The following SRCIN1 variants were observed in gnomAD, a reference collection of about 807,000 sequenced individuals.
SRCIN1 encodes the protein P130Cas-associated protein.
A neutral mutation model predicts 116.2 loss-of-function variants in SRCIN1; 50 were observed. That is an observed-to-expected ratio of 0.43 (90% CI 0.34 to 0.54). The LOEUF (loss-of-function observed/expected upper bound fraction) is 0.54, where lower values mean the gene tolerates loss of function less well. Ranked by LOEUF, SRCIN1 falls within the 20% of genes least tolerant of loss-of-function variation. The pLI is 0.02. For missense variants in SRCIN1, 1,446 were observed against 1,672.0 expected (o/e 0.86, Z 2.36); for synonymous variants, 736 against 750.0 (o/e 0.98, Z 0.30).
Position 38,585,440 on chromosome 17 carries a change from G to A in SRCIN1, c.23-6649C>T, listed in dbSNP as rs1022465681. ...TCGGGAAGCACACGGTGTGCTTGGA[G>A]GTTGGAGGCCAGAGGACAAAGGTCA... On this transcript the variant is annotated intron_variant, in intron 1 of 18. Coordinates refer to ENST00000617146, the MANE Select transcript of SRCIN1 (RefSeq NM_025248.3). The surrounding 1 kb of genome is among the most constrained non-coding windows in gnomAD (Gnocchi z 4.2). 6.6e-6 allele frequency among the ~76,000 whole-genome samples: 1 copy of A among 152,232 alleles called. No homozygotes were observed. The highest frequency in any genetic ancestry group is 2.4e-5 in the African/African-American group (1 of 41,460).
At chr17:38,588,378 C>T (rs545608521) in intron 1 of SRCIN1, among the ~76,000 whole-genome samples, 2 of 152,358 alleles carry the variant, frequency 1.3e-5, no homozygotes, top group African/African-American at 2.4e-5. Flanking sequence ...CATGTGCCCA[C>T]GCGGCACTAT....
At chr17:38,582,366 G>A (rs1401764701) in intron 1 of SRCIN1, among the ~76,000 whole-genome samples, 1 of 152,188 alleles carries the variant, frequency 6.6e-6, no homozygotes, top group Non-Finnish European at 1.5e-5. Flanking sequence ...GCAGATTATG[G>A]CAGGGAGAGG....
At chr17:38,605,662 G>A (rs1909317904) in intron 1 of SRCIN1, 22 bp downstream of exon 1, 4 of 1,382,148 alleles carry the variant, frequency 2.9e-6, no homozygotes, top group Non-Finnish European at 3.8e-6. Context: ...GCACATTAGG[G>A]AGGAGAGAGA....
At chr17:38,539,935 C>T (rs553694230) in intron 18 of SRCIN1, among the ~76,000 whole-genome samples, 197 of 148,886 alleles carry the variant, frequency 1.3e-3, no homozygotes, top group African/African-American at 4.7e-3. Flanking sequence ...GCAGGAGAAT[C>T]GCTTGAACCC....
At chr17:38,560,800 C>G (rs1018197088) in intron 7 of SRCIN1, among the ~76,000 whole-genome samples, 10 of 152,220 alleles carry the variant, frequency 6.6e-5, no homozygotes, top group Non-Finnish European at 1.2e-4. Flanking sequence ...AGGACAGGAA[C>G]TGGGTTTGCT....
chr17:38,565,376 T>C (rs1193208043), intron 3 of SRCIN1, among the ~76,000 whole-genome samples: 1 of 152,236 alleles, frequency 6.6e-6, no homozygotes, highest in African/African-American at 2.4e-5. Context: ...CATATACATA[T>C]ACTGTCAAGA....
Position 38,536,509 on chromosome 17 carries a change from G to C in SRCIN1, c.3418-3078C>G, listed in dbSNP as rs377649512. Among the ~76,000 whole-genome samples the C allele has an allele frequency of 5.3e-5, 8 of 152,230 alleles. No individual in the cohort carries two copies. The South Asian group carries it at 1.7e-3, about 31-fold the overall frequency. On this transcript the variant is annotated intron_variant, in intron 18 of 18. Coordinates refer to ENST00000617146, the MANE Select transcript of SRCIN1 (RefSeq NM_025248.3). ...CACCCTGCACACCTCCCTCTTGCCTGGGGATCAGAGCCGGCCACCTGCTCT... is the reference window on the plus strand; with the variant it reads ...CACCCTGCACACCTCCCTCTTGCCTCGGGATCAGAGCCGGCCACCTGCTCT...
Position 38,552,181 on chromosome 17 carries a change from C to A in SRCIN1, c.2481-49G>T. The A allele has an allele frequency of 6.4e-7, 1 of 1,571,362 alleles. No homozygotes were observed. The highest frequency in any genetic ancestry group is 8.6e-7 in the Non-Finnish European group (1 of 1,156,368). ...AGCTGTGAGGCCAGCAGGTGGTGAC[C>A]CTTCTGCAGGAAGGCTGCTCTGAGG... is the stretch of plus-strand genomic sequence containing the variant. On this transcript the variant is annotated intron_variant, in intron 13 of 18. Transcript: ENST00000617146. The surrounding 1 kb of genome is among the most constrained non-coding windows in gnomAD (Gnocchi z 5.3).
At chr17:38,606,452 C>G (rs1178739313), upstream of SRCIN1, among the ~76,000 whole-genome samples, 1 of 152,110 alleles carries the variant, frequency 6.6e-6, no homozygotes, top group Non-Finnish European at 1.5e-5. This position sits in a 1 kb window ranked among gnomAD's most constrained non-coding sequence, Gnocchi z 5.2. Flanking sequence ...GCTTCTGCCT[C>G]GCGACCCCTC....
chr17:38,566,595 T>C (rs1906700035), intron 3 of SRCIN1, among the ~76,000 whole-genome samples: 1 of 152,212 alleles, frequency 6.6e-6, no homozygotes, highest in African/African-American at 2.4e-5. Context: ...CCAGAGGTTG[T>C]CCATAGACTA....
At chr17:38,548,961 G>A (rs1189808745) in intron 16 of SRCIN1, 95 bp downstream of exon 16, 2 of 1,392,348 alleles carry the variant, frequency 1.4e-6, no homozygotes, top group Non-Finnish European at 1.9e-6. Flanking sequence ...CTCTGAGAAA[G>A]GGGTCTCTTT....
intron 1 of SRCIN1, 117 bp downstream of exon 1, chr17:38,605,567 T>C: frequency 5.4e-6 from 4 of 735,714 alleles, no homozygotes; most frequent in Admixed American, 4.9e-5. Flanking sequence ...GGCCACCGCC[T>C]CCCCGGCCCG....
intron 1 of SRCIN1, among the ~76,000 whole-genome samples, chr17:38,583,548 G>GT (rs10691272): frequency 0.03 from 3,125 of 104,180 alleles, 93 homozygotes; most frequent in Non-Finnish European, 0.046. Flanking sequence ...TTCATTTTCT[G>GT]TTTTTTTTTT....
chr17:38,578,811 C>T lies in SRCIN1; in HGVS notation c.23-20G>A, dbSNP rs1389257103. On this transcript the variant is annotated intron_variant, in intron 1 of 18. Transcript: ENST00000617146. ...CCGGATCTGCGAGAGGTGAGAGGGG[C>T]ACGGCTGGGTCACGGCGCGCCCGGC... 1.8e-5 allele frequency: 27 copies of T among 1,466,974 alleles called. No individual in the cohort carries two copies. The highest frequency in any genetic ancestry group is 2.4e-5 in the Non-Finnish European group (27 of 1,112,408). The allele number at this position is 1,466,974 out of a possible 1,614,324, so 90.9% of individuals were successfully genotyped here.
Position 38,563,896 on chromosome 17 carries a change from C to A in SRCIN1, c.541+222G>T. ...TGAAAGAAAGGGACAGAAAAGGAAG[C>A]AAGAGGGAGAGAGGAGGCTTGGAGG... On this transcript the variant is annotated intron_variant, in intron 4 of 18. Transcript: ENST00000617146. This position sits in a 1 kb window ranked among gnomAD's most constrained non-coding sequence, Gnocchi z 5.8. The A allele has an allele frequency of 1.6e-6, 1 of 613,240 alleles. No homozygotes were observed. The highest frequency in any genetic ancestry group is 2.9e-6 in the Non-Finnish European group (1 of 348,610). The allele number at this position is 613,240 out of a possible 1,614,324, so 38.0% of individuals were successfully genotyped here.
intron 1 of SRCIN1, among the ~76,000 whole-genome samples, chr17:38,592,450 G>T (rs1385059865): frequency 6.6e-6 from 1 of 152,180 alleles, no homozygotes; most frequent in Admixed American, 6.5e-5. Context: ...GGTACTGAAA[G>T]CAGGTGACAT....
At chr17:38,576,014 A>AT (rs1324549775) in intron 2 of SRCIN1, among the ~76,000 whole-genome samples, 1 of 152,166 alleles carries the variant, frequency 6.6e-6, no homozygotes, top group Non-Finnish European at 1.5e-5. Flanking sequence ...AAAGGAACAA[A>AT]TTTGTGGGTG....
intron 1 of SRCIN1, among the ~76,000 whole-genome samples, 196 bp from the exon 2 acceptor site, chr17:38,578,987 G>C (rs929619161): frequency 6.6e-6 from 1 of 152,080 alleles, no homozygotes; most frequent in Admixed American, 6.5e-5. Context: ...TGGAAAGCGC[G>C]CCTACGGCCC....
At position 38,552,993 on chromosome 17, in the gene SRCIN1, G is replaced by A. The variant is rs994283232; in HGVS notation, c.2202-138C>T. ...CAGGAGGCTGGGCACCGTGGCTCAC[G>A]CCCGTAATCTCAGTACTTTGGGAGG... On this transcript the variant is annotated intron_variant, in intron 11 of 18. Transcript: ENST00000617146. The surrounding 1 kb of genome is among the most constrained non-coding windows in gnomAD (Gnocchi z 5.3). 32 of 1,357,064 alleles carry A rather than the reference G, an allele frequency of 2.4e-5. No homozygotes were observed. Among genetic ancestry groups the A allele is most frequent in the Middle Eastern group, 1.9e-4 (1 of 5,338 alleles). The allele number at this position is 1,357,064 out of a possible 1,614,324, so 84.1% of individuals were successfully genotyped here.
Sources: allele counts gnomAD v4.1 joint callset (sites outside exome capture counted in the v4.1 genomes callset), GRCh38; gene constraint gnomAD v4.1.1; non-coding constraint Gnocchi (gnomAD v3.1); transcripts MANE v1.5; gene names NCBI Gene and HGNC (gene_info 2026-07-23, HGNC 2026-07-21).